The following EDIL3 variants were observed in gnomAD, a reference collection of about 807,000 sequenced individuals.
EDIL3 encodes the protein EGF-like repeat and discoidin I-like domain-containing protein 3.
In EDIL3, 37 loss-of-function variants were observed where a neutral mutation model predicts 67.4. The ratio of observed to expected loss-of-function variants is 0.55; its 90% CI spans 0.42 to 0.72. The LOEUF (loss-of-function observed/expected upper bound fraction) is 0.72, where lower values mean the gene tolerates loss of function less well. Ranked by LOEUF, EDIL3 falls within the 30% of genes least tolerant of loss-of-function variation. The pLI is 0.00. For synonymous variants in EDIL3, 195 were observed against 196.3 expected (o/e 0.99, Z 0.05); for missense variants, 527 against 586.3 (o/e 0.90, Z 1.04).
chr5:84,142,885 T>C (rs986189816), intron 4 of EDIL3, among the ~76,000 whole-genome samples: 1 of 145,558 alleles, frequency 6.9e-6, no homozygotes, highest in South Asian at 2.4e-4. Context: ...TGTCTTTCCC[T>C]TGGGCTATCT....
intron 6 of EDIL3, 145 bp downstream of exon 6, chr5:84,106,504 G>A: frequency 1.1e-6 from 1 of 930,504 alleles, no homozygotes; most frequent in Non-Finnish European, 1.5e-6. Flanking sequence ...AGAATTGGGA[G>A]CTAATTTGAA....
chr5:84,337,450 T>A (rs1445364623), intron 1 of EDIL3, among the ~76,000 whole-genome samples: 3 of 152,066 alleles, frequency 2.0e-5, no homozygotes, highest in African/African-American at 7.2e-5. Context: ...TTAGAGAGTA[T>A]AGGTAACTAA....
At chr5:84,217,502 G>A (rs1744252229) in intron 3 of EDIL3, among the ~76,000 whole-genome samples, 1 of 152,202 alleles carries the variant, frequency 6.6e-6, no homozygotes, top group South Asian at 2.1e-4. Flanking sequence ...TAAAAAAGAT[G>A]ACCCTTGATA....
chr5:84,167,188 T>G (rs554808340), intron 4 of EDIL3, among the ~76,000 whole-genome samples: 1 of 152,236 alleles, frequency 6.6e-6, no homozygotes, highest in African/African-American at 2.4e-5. Flanking sequence ...TGCATAATGC[T>G]GCCTTAGGAA....
chr5:84,086,445 G>T (rs1274124378), intron 6 of EDIL3, among the ~76,000 whole-genome samples: 1 of 152,132 alleles, frequency 6.6e-6, no homozygotes, highest in Admixed American at 6.5e-5. Context: ...GAGAAGCGAC[G>T]TCCCACCCTG....
chr5:84,251,950 T>G (rs1036539981), intron 2 of EDIL3, among the ~76,000 whole-genome samples: 7 of 152,110 alleles, frequency 4.6e-5, no homozygotes, highest in African/African-American at 1.4e-4. Context: ...AAAATATAGC[T>G]TAAAATAATA....
intron 9 of EDIL3, among the ~76,000 whole-genome samples, chr5:84,022,174 A>G (rs1243987837): frequency 6.6e-6 from 1 of 151,846 alleles, no homozygotes; most frequent in African/African-American, 2.4e-5. Context: ...AGAAAATACT[A>G]CCAAAACATA....
chr5:84,266,409 A>G (rs1265860662), intron 1 of EDIL3, among the ~76,000 whole-genome samples: 1 of 152,182 alleles, frequency 6.6e-6, no homozygotes, highest in Non-Finnish European at 1.5e-5. Context: ...TATCTCTGCT[A>G]TTGAAGAGGC....
intron 1 of EDIL3, among the ~76,000 whole-genome samples, chr5:84,295,037 TC>T (rs1746018256): frequency 6.6e-6 from 1 of 152,078 alleles, no homozygotes; most frequent in South Asian, 2.1e-4. Flanking sequence ...TTTATCTTGT[TC>T]CCATAGATGT....
Position 83,941,387 on chromosome 5 carries a change from CAT to C in EDIL3, c.*2030_*2031del, listed in dbSNP as rs1744220779. The C allele has an allele frequency of 1.3e-5, 2 of 151,968 alleles. No individual in the cohort carries two copies. Among genetic ancestry groups the C allele is most frequent in the Admixed American group, 6.6e-5 (1 of 15,248 alleles). The allele number at this position is 151,968 out of a possible 1,614,324, so 9.4% of individuals were successfully genotyped here. ...GGTATCAATAGAAAAAATTACAAAA[CAT>C]CATATGAAGCTATAAATAATTTTGA... On this transcript the variant is annotated 3_prime_UTR_variant, in exon 11 of 11. Coordinates refer to ENST00000296591, the MANE Select transcript of EDIL3 (RefSeq NM_005711.5).
At chr5:84,307,472 A>C (rs1746295262) in intron 1 of EDIL3, among the ~76,000 whole-genome samples, 1 of 152,228 alleles carries the variant, frequency 6.6e-6, no homozygotes, top group African/African-American at 2.4e-5. Flanking sequence ...TAGGAAAAAG[A>C]AACTAGACAA....
intron 9 of EDIL3, among the ~76,000 whole-genome samples, chr5:84,006,383 CAA>C (rs1236814966): frequency 6.6e-6 from 1 of 150,664 alleles, no homozygotes; most frequent in Non-Finnish European, 1.5e-5. Context: ...CAAAACAAAA[CAA>C]AACATAACAG....
chr5:84,056,742 G>T (rs1746456142), intron 9 of EDIL3, among the ~76,000 whole-genome samples: 1 of 152,090 alleles, frequency 6.6e-6, no homozygotes, highest in Non-Finnish European at 1.5e-5. Context: ...GGGAATTTAA[G>T]TGGCAGACAT....
chr5:84,074,897 C>A (rs1746821122), intron 6 of EDIL3, among the ~76,000 whole-genome samples: 1 of 152,148 alleles, frequency 6.6e-6, no homozygotes, highest in African/African-American at 2.4e-5. Flanking sequence ...GACACATGCA[C>A]ACGTATGTTT....
At chr5:84,262,659 G>GTTTTTGTTTTTTTTTTT (rs1745251015) in intron 1 of EDIL3, among the ~76,000 whole-genome samples, 2 of 46,310 alleles carry the variant, frequency 4.3e-5, no homozygotes, top group Non-Finnish European at 7.2e-5. Flanking sequence ...AGGTTGGTTG[G>GTTTTTGTTTTTTTTTTT]TTTTTTTTTT....
intron 3 of EDIL3, among the ~76,000 whole-genome samples, chr5:84,223,071 C>T (rs1441158961): frequency 2.0e-5 from 3 of 151,716 alleles, no homozygotes; most frequent in South Asian, 2.1e-4. Context: ...TATTCCTCTA[C>T]ATTTTTTTCT....
chr5:84,137,625 A>G (rs1173356489), intron 4 of EDIL3, among the ~76,000 whole-genome samples: 4 of 152,216 alleles, frequency 2.6e-5, no homozygotes, highest in African/African-American at 9.6e-5. Flanking sequence ...AAATATGAGT[A>G]GTCTGGGGAA....
rs1254782789 is a variant in EDIL3, at chr5:83,970,653, A to G, written c.1138-7293T>C. Among the ~76,000 whole-genome samples the G allele has an allele frequency of 7.2e-4, 21 of 29,306 alleles. No homozygotes were observed. In the East Asian group the frequency reaches 0.014, roughly 19 times the overall value. The allele number at this position is 29,306 out of a possible 152,430, so 19.2% of individuals were successfully genotyped here. Reference sequence around the variant, plus strand: ...TGACATAGGATCACAGTATATATATATATATATATATATATATATATATAT... The same window carrying G: ...TGACATAGGATCACAGTATATATATGTATATATATATATATATATATATAT... On this transcript the variant is annotated intron_variant, in intron 9 of 10. Transcript: ENST00000296591.
chr5:83,947,103 C>T (rs1744323310), intron 10 of EDIL3, among the ~76,000 whole-genome samples: 2 of 148,750 alleles, frequency 1.3e-5, no homozygotes, highest in South Asian at 4.1e-4. Context: ...TTTTTGTTGC[C>T]CCCTTATAGA....
Sources: gnomAD v4.1 joint callset for allele counts (sites outside exome capture counted in the v4.1 genomes callset) on GRCh38, gnomAD v4.1.1 for gene constraint, MANE v1.5 for transcripts, NCBI Gene and HGNC (gene_info 2026-07-23, HGNC 2026-07-21) for gene names.